Variants in DSG3 observed in about 807,000 individuals in gnomAD.
DSG3 encodes the protein desmoglein-3.
In DSG3, 63 loss-of-function variants were observed where a neutral mutation model predicts 85.9. The ratio of observed to expected loss-of-function variants is 0.73; its 90% CI spans 0.60 to 0.90. The LOEUF (loss-of-function observed/expected upper bound fraction) is 0.90. Among genes scored for constraint, DSG3 ranks in the 40% least tolerant of loss-of-function variants. The pLI is 0.00. For synonymous variants in DSG3, 447 were observed against 441.9 expected, an observed-to-expected ratio of 1.01 and a Z score of -0.14; for missense variants, 1,220 against 1,219.9, an observed-to-expected ratio of 1.00 and a Z score of 0.00.
intron 8 of DSG3, among the ~76,000 whole-genome samples, chr18:31,462,403 G>T (rs758584629): frequency 6.6e-6 from 1 of 152,160 alleles, no homozygotes; most frequent in South Asian, 2.1e-4. Flanking sequence ...CTATGAGAGC[G>T]TCCTTATTTA....
chr18:31,472,843 A>G (rs2072864531), intron 14 of DSG3, 55 bp downstream of exon 14: 1 of 1,505,974 alleles, frequency 6.6e-7, no homozygotes, highest in Non-Finnish European at 9.2e-7. Context: ...TAAATATTAA[A>G]AAATAAGAAG....
intron 8 of DSG3, among the ~76,000 whole-genome samples, chr18:31,463,143 C>T (rs529166292): frequency 3.9e-5 from 6 of 152,258 alleles, no homozygotes; most frequent in South Asian, 2.1e-4. Context: ...GATAATTTCC[C>T]GGCATCCTTC....
intron 13 of DSG3, 79 bp downstream of exon 13, chr18:31,472,502 C>T: frequency 6.7e-7 from 1 of 1,501,566 alleles, no homozygotes; most frequent in South Asian, 1.3e-5. Flanking sequence ...GGAAAAGAGG[C>T]AAAGAGATTT....
chr18:31,469,409 A>AAT, intron 12 of DSG3, 60 bp downstream of exon 12: 1 of 1,594,460 alleles, frequency 6.3e-7, no homozygotes, highest in Non-Finnish European at 8.5e-7. Flanking sequence ...AAAGGCCTCC[A>AAT]TGCTGCCCTG....
chr18:31,477,084 ATG>A lies in DSG3; in HGVS notation c.*828_*829del, dbSNP rs1346875714. The A allele has an allele frequency of 6.6e-6, 1 of 152,160 alleles. No homozygotes were observed. Among genetic ancestry groups the A allele is most frequent in the African/African-American group, 2.4e-5 (1 of 41,436 alleles). 9.4% of individuals were successfully genotyped at this position (152,160 alleles called of 1,614,324 possible). A position where few individuals can be genotyped will look rare whatever the true frequency, so the allele number is the denominator to read the frequency against. On this transcript the variant is annotated 3_prime_UTR_variant, in exon 16 of 16. Transcript: ENST00000257189. Reference sequence around the variant, plus strand: ...TCTTCTTGGTGCTGGGAAGCCATATATGTGTCTTTTACTCAAGCTAAGGGGTA... The same window carrying A: ...TCTTCTTGGTGCTGGGAAGCCATATATGTCTTTTACTCAAGCTAAGGGGTA...
rs150244035 is a variant in DSG3 at position 31,452,837 on chromosome 18, A to G, written c.49-3603A>G. Among the ~76,000 whole-genome samples, 1,419 of 152,306 alleles carry G rather than the reference A, an allele frequency of 9.3e-3. 20 individuals are homozygous for G. The highest frequency in any genetic ancestry group is 0.031 in the African/African-American group (1,306 of 41,574). On this transcript the variant is annotated intron_variant, in intron 1 of 15. Transcript: ENST00000257189. ...CCAGTATCCAATTTTATATTATCATACTTGACTGCAGCCTACACAGCATTT... is the reference window on the plus strand; with the variant it reads ...CCAGTATCCAATTTTATATTATCATGCTTGACTGCAGCCTACACAGCATTT...
At chr18:31,473,222 T>A (rs1236777678) in intron 14 of DSG3, among the ~76,000 whole-genome samples, 1 of 152,230 alleles carries the variant, frequency 6.6e-6, no homozygotes, top group African/African-American at 2.4e-5. Flanking sequence ...ACATCCTTGA[T>A]CCTGTTCCCC....
intron 8 of DSG3, 49 bp from the exon 9 acceptor site, chr18:31,464,062 C>T (rs369679425): frequency 1.8e-5 from 28 of 1,556,198 alleles, no homozygotes; most frequent in East Asian, 1.6e-4. Context: ...ACTGGGTTTG[C>T]GGGAGTGTAT....
intron 14 of DSG3, among the ~76,000 whole-genome samples, 190 bp from the exon 15 acceptor site, chr18:31,473,931 C>T (rs1342704745): frequency 6.6e-6 from 1 of 152,082 alleles, no homozygotes; most frequent in Non-Finnish European, 1.5e-5. Flanking sequence ...CTTTTTCACC[C>T]GTTTATATGC....
chr18:31,461,397 C>G lies in DSG3; in HGVS notation c.984C>G (p.Ile328Met). ...IQTDPRTNEG[I>M]LKVVKALDYE... ...CTGATCCTAGAACTAATGAAGGCATCCTGAAAGTGGTGAAGGTAAGGTCTG... is the reference window on the plus strand; with the variant it reads ...CTGATCCTAGAACTAATGAAGGCATGCTGAAAGTGGTGAAGGTAAGGTCTG... Residue 328 changes from isoleucine (I) to methionine (M), a missense_variant, in exon 8 of 16, where the codon ATC (isoleucine) becomes ATG (methionine). Physicochemically the swap from Ile to Met is conservative, Grantham distance 10. Coordinates refer to ENST00000257189, the MANE Select transcript of DSG3 (RefSeq NM_001944.3). 1 of 1,612,394 alleles carries G rather than the reference C, an allele frequency of 6.2e-7. No homozygotes were observed. Among genetic ancestry groups the G allele is most frequent in the Non-Finnish European group, 8.5e-7 (1 of 1,179,496 alleles).
Position 31,469,366 on chromosome 18 carries a change from T to C in DSG3, c.1897+17T>C, listed in dbSNP as rs761725699. 6.2e-7 allele frequency: 1 copy of C among 1,611,658 alleles called. No individual in the cohort carries two copies. The highest frequency in any genetic ancestry group is 8.5e-7 in the Non-Finnish European group (1 of 1,179,656). On this transcript the variant is annotated intron_variant, in intron 12 of 15. Transcript: ENST00000257189. The stretch of plus-strand genomic sequence containing the variant: ...TGCTGCTGTGTGAGTAGCCAATGTT[T>C]CATTCTCTGTTGGACCAGGTGTCCT...
intron 5 of DSG3, 121 bp from the exon 6 acceptor site, chr18:31,459,724 C>A: frequency 1.0e-6 from 1 of 983,294 alleles, no homozygotes; most frequent in Non-Finnish European, 1.5e-6. Context: ...ATTTTTTGAA[C>A]ATACAGATGA....
In DSG3 at chr18:31,474,174, A is replaced by G. The variant is rs777063476; in HGVS notation, c.2155A>G (p.Met719Val). 5.9e-5 allele frequency: 96 copies of G among 1,614,106 alleles called. No individual in the cohort carries two copies. The highest frequency in any genetic ancestry group is 7.9e-5 in the Non-Finnish European group (93 of 1,180,032). ...CACAGCGGTGGAAGGCACTTCAGGAATGGAAATGACCACTAAGCTTGGAGC... is the reference window on the plus strand; with the variant it reads ...CACAGCGGTGGAAGGCACTTCAGGAGTGGAAATGACCACTAAGCTTGGAGC... ...RGTAVEGTSG[M>V]EMTTKLGAAT... Residue 719 changes from methionine to valine, a missense_variant, in exon 15 of 16, where the codon ATG becomes GTG. Met to Val is a conservative substitution (Grantham distance 21). Coordinates refer to ENST00000257189, the MANE Select transcript of DSG3 (RefSeq NM_001944.3).
In DSG3 at chr18:31,472,434, A is replaced by G; in HGVS notation, c.2037+11A>G. ...CATCCTGAAGACAAGGTAAGCATCC[A>G]GTTCATAAATTATGTATTTCAATTA... On this transcript the variant is annotated intron_variant, in intron 13 of 15. Coordinates refer to ENST00000257189, the MANE Select transcript of DSG3 (RefSeq NM_001944.3). 1 of 1,605,946 alleles carries G rather than the reference A, an allele frequency of 6.2e-7. No homozygotes were observed. Among genetic ancestry groups the G allele is most frequent in the Non-Finnish European group, 8.5e-7 (1 of 1,177,456 alleles).
chr18:31,448,655 C>CAAA (rs56245514), intron 1 of DSG3, among the ~76,000 whole-genome samples: 25,611 of 130,998 alleles, frequency 0.2, 2,273 homozygotes, highest in South Asian at 0.37. Flanking sequence ...GTTCTTATAG[C>CAAA]AAAAAAAAAA....
rs1318539188 is a variant in DSG3, at chr18:31,476,616, C to T, written c.*356C>T. 3 of 180,028 alleles carry T rather than the reference C, an allele frequency of 1.7e-5. No homozygotes were observed. Among genetic ancestry groups the T allele is most frequent in the South Asian group, 1.6e-4 (1 of 6,364 alleles). The allele number at this position is 180,028 out of a possible 1,614,324, so 11.2% of individuals were successfully genotyped here. Reference sequence around the variant, plus strand: ...TGTGATTTAGTGGATTAAGCAGGAGCGCTGGTTCTTGTCTCCATTGCCTTT... The same window carrying T: ...TGTGATTTAGTGGATTAAGCAGGAGTGCTGGTTCTTGTCTCCATTGCCTTT... On this transcript the variant is annotated 3_prime_UTR_variant, in exon 16 of 16. Coordinates refer to ENST00000257189, the MANE Select transcript of DSG3 (RefSeq NM_001944.3).
intron 1 of DSG3, among the ~76,000 whole-genome samples, chr18:31,453,111 A>G (rs2072721080): frequency 6.6e-6 from 1 of 152,204 alleles, no homozygotes; most frequent in East Asian, 1.9e-4. Flanking sequence ...TTCAATATAT[A>G]TAGAAAGCTA....
chr18:31,475,295 A>G (rs2072879564), intron 15 of DSG3, among the ~76,000 whole-genome samples: 1 of 152,078 alleles, frequency 6.6e-6, no homozygotes, highest in South Asian at 2.1e-4. Context: ...AAAGAGTGAT[A>G]TTGTGTTTGA....
At chr18:31,449,510 C>T (rs2144257376) in intron 1 of DSG3, among the ~76,000 whole-genome samples, 1 of 152,184 alleles carries the variant, frequency 6.6e-6, no homozygotes, top group African/African-American at 2.4e-5. Context: ...CTCTCAATTA[C>T]TCCTCTGATT....
Sources: gnomAD v4.1 joint callset for allele counts (sites outside exome capture counted in the v4.1 genomes callset) on GRCh38, gnomAD v4.1.1 for gene constraint, MANE v1.5 for transcripts, NCBI Gene and HGNC (gene_info 2026-07-23, HGNC 2026-07-21) for gene names.